MAJIN: variants seen among roughly 807,000 people sequenced by gnomAD.
MAJIN encodes membrane anchored junction protein.
In MAJIN, 27 loss-of-function variants were observed where a neutral mutation model predicts 30.2. The ratio of observed to expected loss-of-function variants is 0.89; its 90% confidence interval spans 0.66 to 1.23. MAJIN has a LOEUF of 1.23. Ranked by LOEUF, MAJIN falls within the 50% of genes most tolerant of loss-of-function variation. The pLI is 0.00. For synonymous variants in MAJIN, 78 were observed against 91.6 expected (o/e 0.85, Z 0.85); for missense variants, 253 against 260.3 (o/e 0.97, Z 0.19).
At chr11:64,968,178 G>C (rs556359271) in intron 1 of MAJIN, among the ~76,000 whole-genome samples, 2 of 152,184 alleles carry the variant, frequency 1.3e-5, no homozygotes, top group Non-Finnish European at 2.9e-5. Flanking sequence ...TGTAAGGCTT[G>C]TAGGCCATTG....
At chr11:64,957,729 C>T (rs747817810) in intron 3 of MAJIN, among the ~76,000 whole-genome samples, 1 of 151,866 alleles carries the variant, frequency 6.6e-6, no homozygotes, top group Admixed American at 6.6e-5. Context: ...AGGTGAGATG[C>T]TGGGTTTGAT....
At chr11:64,971,335 G>A (rs1945899740) in intron 1 of MAJIN, among the ~76,000 whole-genome samples, 1 of 151,592 alleles carries the variant, frequency 6.6e-6, no homozygotes. Flanking sequence ...GCTGAGGCAG[G>A]AGAATCGCTT....
At chr11:64,953,589 G>A (rs1292157509) in intron 4 of MAJIN, among the ~76,000 whole-genome samples, 1 of 152,100 alleles carries the variant, frequency 6.6e-6, no homozygotes, top group Non-Finnish European at 1.5e-5. Context: ...TCAAGAGATC[G>A]AGACCATCCT....
chr11:64,951,764 CAAAA>C (rs11329539), intron 4 of MAJIN, among the ~76,000 whole-genome samples: 2,592 of 95,924 alleles, frequency 0.027, 72 homozygotes, highest in African/African-American at 0.094. Context: ...AACCTTGTCT[CAAAA>C]AAAAAAAAAA....
At chr11:64,940,835 CTTTT>C (rs1168979344) in intron 8 of MAJIN, among the ~76,000 whole-genome samples, 189 bp from the exon 9 acceptor site, 8 of 88,564 alleles carry the variant, frequency 9.0e-5, no homozygotes, top group Admixed American at 4.8e-4. Context: ...TTTTTTCTTT[CTTTT>C]TTTTTTTTTT....
intron 1 of MAJIN, among the ~76,000 whole-genome samples, chr11:64,970,361 C>CTTTTTTTTT (rs1196525730): frequency 1.5e-5 from 1 of 66,058 alleles, no homozygotes; most frequent in East Asian, 3.9e-4. Context: ...AAGACTCCGT[C>CTTTTTTTTT]TTTTTTTTTT....
At chr11:64,955,919 C>T (rs994911337) in intron 3 of MAJIN, among the ~76,000 whole-genome samples, 16 of 152,308 alleles carry the variant, frequency 1.1e-4, no homozygotes, top group Admixed American at 2.6e-4. Context: ...TTAATCCCGG[C>T]GCTTTGGGAG....
At chr11:64,960,735 A>T (rs887107749) in intron 1 of MAJIN, among the ~76,000 whole-genome samples, 1 of 152,058 alleles carries the variant, frequency 6.6e-6, no homozygotes, top group Non-Finnish European at 1.5e-5. Context: ...GCAGGGAAAA[A>T]TTTTCTATGG....
chr11:64,969,539 G>C (rs945165189), intron 1 of MAJIN, among the ~76,000 whole-genome samples: 3 of 151,798 alleles, frequency 2.0e-5, no homozygotes, highest in African/African-American at 7.3e-5. Flanking sequence ...GAAACAACCC[G>C]GAACAAGAAC....
intron 1 of MAJIN, among the ~76,000 whole-genome samples, chr11:64,964,723 A>G (rs1258458860): frequency 1.3e-5 from 2 of 151,414 alleles, no homozygotes; most frequent in Non-Finnish European, 2.9e-5. Context: ...AGTAGCTTGT[A>G]CTACAGGCAC....
chr11:64,959,186 T>A, intron 3 of MAJIN, 119 bp downstream of exon 3: 1 of 680,488 alleles, frequency 1.5e-6, no homozygotes, highest in Non-Finnish European at 2.5e-6. Context: ...AAGACAGTCC[T>A]GCAAGATGCT....
intron 6 of MAJIN, 92 bp downstream of exon 6, chr11:64,949,651 G>A (rs1565128491): frequency 2.7e-6 from 4 of 1,498,254 alleles, no homozygotes; most frequent in Admixed American, 3.5e-5. Flanking sequence ...TGTATGGCTG[G>A]AGCCTAATCT....
Position 64,959,338 on chromosome 11 carries a change from T to C in MAJIN, c.68A>G (p.Tyr23Cys), listed in dbSNP as rs1483057074. 6.2e-7 allele frequency: 1 copy of C among 1,614,062 alleles called. No homozygotes were observed. Among genetic ancestry groups the C allele is most frequent in the East Asian group, 2.2e-5 (1 of 44,876 alleles). The part of the protein sequence containing the change: ...TRFLHAGPNV[Y>C]KFKIRYGKSI... The stretch of plus-strand genomic sequence containing the variant: ...CTTCCCATATCTGATTTTGAATTTA[T>C]ACACATTGGGTCCTGCATGAAGAAA... Residue 23 changes from tyrosine (Y) to cysteine (C), a missense_variant, in exon 3 of 11, where the codon TAT becomes TGT. Transcript: ENST00000301896.
intron 7 of MAJIN, 55 bp from the exon 8 acceptor site, chr11:64,947,520 C>T (rs1433870280): frequency 1.6e-5 from 24 of 1,536,206 alleles, no homozygotes; most frequent in Non-Finnish European, 2.2e-5. Context: ...GCTCACAGTT[C>T]ATGAAGGCAC....
intron 4 of MAJIN, among the ~76,000 whole-genome samples, 164 bp from the exon 5 acceptor site, chr11:64,950,594 CT>C (rs1565130115): frequency 3.2e-5 from 4 of 123,818 alleles, no homozygotes; most frequent in Non-Finnish European, 7.8e-5. Flanking sequence ...TTCTTTCTTT[CT>C]TTTTTTGAGA....
chr11:64,949,775 T>A lies in MAJIN; in HGVS notation c.317A>T (p.Glu106Val), dbSNP rs767027510. 3.1e-6 allele frequency: 5 copies of A among 1,612,858 alleles called. No homozygotes were observed. The African/African-American group carries it at 6.7e-5, about 22-fold the overall frequency. The stretch of plus-strand genomic sequence containing the variant: ...CAGGTTTTCATGGAACCATTTCATC[T>A]CCACATATAGAGTAAAAACAAATGG... ...PYPFVFTLYV[E>V]MKWFHENLSP... The change falls in exon 6 of 11, where the codon GAG becomes GTG. Residue 106 changes from glutamate to valine, a missense_variant. Physicochemically the swap from Glu to Val is moderately radical, Grantham distance 121. Coordinates refer to ENST00000301896, the MANE Select transcript of MAJIN (RefSeq NM_001037225.3).
chr11:64,967,119 AG>A (rs1391524935), intron 1 of MAJIN, among the ~76,000 whole-genome samples: 1 of 151,196 alleles, frequency 6.6e-6, no homozygotes, highest in East Asian at 2.0e-4. Context: ...TATAAAAAAA[AG>A]AAAAAGGCCA....
chr11:64,958,618 G>GA (rs1004638155), intron 3 of MAJIN, among the ~76,000 whole-genome samples: 4 of 121,182 alleles, frequency 3.3e-5, no homozygotes, highest in African/African-American at 1.1e-4. Flanking sequence ...AAAAAAAAAA[G>GA]AAAGAAAAAT....
In MAJIN at chr11:64,938,427, C is replaced by T; in HGVS notation, c.*148G>A. 7.4e-7 allele frequency: 1 copy of T among 1,356,718 alleles called. No homozygotes were observed. Among genetic ancestry groups the T allele is most frequent in the Non-Finnish European group, 1.0e-6 (1 of 985,534 alleles). The allele number at this position is 1,356,718 out of a possible 1,614,324, so 84.0% of individuals were successfully genotyped here. On this transcript the variant is annotated 3_prime_UTR_variant, in exon 11 of 11. Transcript: ENST00000301896. The stretch of plus-strand genomic sequence containing the variant: ...AGCATGGGGACCTCATTCCCCACGA[C>T]TGAAGTGTCATAAGAAAAGGATAGA...
Sources: allele counts gnomAD v4.1 joint callset (sites outside exome capture counted in the v4.1 genomes callset), GRCh38; gene constraint gnomAD v4.1.1; transcripts MANE v1.5; gene names NCBI Gene and HGNC (gene_info 2026-07-23, HGNC 2026-07-21).